CTNND2: variants seen among roughly 807,000 people sequenced by gnomAD.
CTNND2 encodes the protein catenin delta 2, also known as catenin delta-2.
A neutral mutation model predicts 144.4 loss-of-function variants in CTNND2; 22 were observed. The observed-to-expected ratio is 0.15, with a 90% confidence interval of 0.11 to 0.22. CTNND2 has a LOEUF of 0.22. Ranked by LOEUF, CTNND2 falls within the 10% of genes least tolerant of loss-of-function variation. The pLI is 1.00. For synonymous variants in CTNND2, 751 were observed against 695.6 expected, an observed-to-expected ratio of 1.08 and a Z score of -1.25; for missense variants, 1,353 against 1,618.8, an observed-to-expected ratio of 0.84 and a Z score of 2.82.
intron 16 of CTNND2, among the ~76,000 whole-genome samples, chr5:11,078,843 C>G (rs1364116446): frequency 6.6e-6 from 1 of 152,114 alleles, no homozygotes; most frequent in African/African-American, 2.4e-5. Flanking sequence ...TTTAGATATA[C>G]CAGATCTACA....
At chr5:11,437,271 A>G (rs566676318) in intron 3 of CTNND2, among the ~76,000 whole-genome samples, 2 of 152,354 alleles carry the variant, frequency 1.3e-5, no homozygotes, top group Non-Finnish European at 2.9e-5. Context: ...TAAGATATTC[A>G]TAACTTTCCC....
intron 4 of CTNND2, 138 bp from the exon 5 acceptor site, chr5:11,411,790 AT>A: frequency 1.4e-6 from 1 of 717,770 alleles, no homozygotes. Context: ...TTCCATTTTA[AT>A]TTTTGGTCAA....
At chr5:11,689,895 A>G (rs1784816700) in intron 2 of CTNND2, among the ~76,000 whole-genome samples, 1 of 152,220 alleles carries the variant, frequency 6.6e-6, no homozygotes, top group Admixed American at 6.5e-5. Flanking sequence ...TTACAGCAGC[A>G]TCACCACCCA....
chr5:11,551,755 C>T (rs1425705481), intron 3 of CTNND2, among the ~76,000 whole-genome samples: 3 of 152,172 alleles, frequency 2.0e-5, no homozygotes, highest in African/African-American at 7.2e-5. Flanking sequence ...CCCGCCTCCA[C>T]ATCCAGCTAA....
At chr5:11,553,375 C>G (rs1313409878) in intron 3 of CTNND2, among the ~76,000 whole-genome samples, 1 of 152,140 alleles carries the variant, frequency 6.6e-6, no homozygotes, top group African/African-American at 2.4e-5. Flanking sequence ...ATGAGAGGAA[C>G]AATTTTATAA....
chr5:11,114,939 C>T (rs1753397570), intron 13 of CTNND2, among the ~76,000 whole-genome samples: 1 of 151,508 alleles, frequency 6.6e-6, no homozygotes. Flanking sequence ...GAAGCACCTG[C>T]TGAGTAACAT....
intron 1 of CTNND2, among the ~76,000 whole-genome samples, chr5:11,836,613 T>C (rs1794195431): frequency 1.3e-5 from 2 of 151,406 alleles, no homozygotes; most frequent in Non-Finnish European, 2.9e-5. Flanking sequence ...CATAAAGAAA[T>C]TCTCTACTTT....
chr5:11,279,557 T>C (rs1746906545), intron 9 of CTNND2, among the ~76,000 whole-genome samples: 4 of 152,238 alleles, frequency 2.6e-5, no homozygotes, highest in South Asian at 4.2e-4. Flanking sequence ...ACTTCAAAGC[T>C]AAGGAAATTC....
In CTNND2 at chr5:11,364,684, C is replaced by T. The variant is rs761034801; in HGVS notation, c.1372+12G>A. 1.3e-6 allele frequency: 2 copies of T among 1,598,962 alleles called. No homozygotes were observed. The highest frequency in any genetic ancestry group is 1.7e-6 in the Non-Finnish European group (2 of 1,175,224). ...TGTGGACAGGCCACCCAGTGGGGTC[C>T]TGATTACACACCTGTGCTCGTGCGG... On this transcript the variant is annotated intron_variant, in intron 8 of 21. Coordinates refer to ENST00000304623, the MANE Select transcript of CTNND2 (RefSeq NM_001332.4).
intron 2 of CTNND2, among the ~76,000 whole-genome samples, chr5:11,608,676 C>T (rs1205203052): frequency 2.0e-5 from 3 of 152,190 alleles, no homozygotes; most frequent in African/African-American, 7.2e-5. Context: ...ATTTCTGCAA[C>T]AGCACCTTAC....
chr5:11,130,377 G>C (rs1357413464), intron 12 of CTNND2, among the ~76,000 whole-genome samples: 1 of 152,130 alleles, frequency 6.6e-6, no homozygotes, highest in African/African-American at 2.4e-5. Flanking sequence ...TCTGGAGTTA[G>C]CCATGCATCA....
chr5:11,811,261 G>A (rs1011417896), intron 1 of CTNND2, among the ~76,000 whole-genome samples: 12 of 152,188 alleles, frequency 7.9e-5, no homozygotes, highest in African/African-American at 2.9e-4. Flanking sequence ...ATGGAGAACT[G>A]GGCAGACAGA....
At chr5:11,113,462 C>T (rs1038181313) in intron 13 of CTNND2, among the ~76,000 whole-genome samples, 3 of 152,134 alleles carry the variant, frequency 2.0e-5, no homozygotes, top group African/African-American at 7.2e-5. Flanking sequence ...CAGTATGGCC[C>T]GCAACACCGG....
intron 18 of CTNND2, among the ~76,000 whole-genome samples, chr5:10,998,853 A>G (rs1739625186): frequency 6.6e-6 from 1 of 152,384 alleles, no homozygotes; most frequent in South Asian, 2.1e-4. Context: ...TGCGTAGGTT[A>G]TATGCAAATA....
chr5:11,581,107 T>C (rs963437857), intron 2 of CTNND2, among the ~76,000 whole-genome samples: 10 of 152,196 alleles, frequency 6.6e-5, no homozygotes, highest in African/African-American at 1.9e-4. Context: ...CTTCCCATTA[T>C]GAAATAGCTG....
At chr5:11,150,946 G>C (rs532559088) in intron 12 of CTNND2, among the ~76,000 whole-genome samples, 1 of 152,156 alleles carries the variant, frequency 6.6e-6, no homozygotes, top group East Asian at 1.9e-4. Context: ...CCTTCTGAGT[G>C]CCTTTCATGC....
At chr5:11,048,931 G>A (rs1042014675) in intron 16 of CTNND2, among the ~76,000 whole-genome samples, 4 of 152,192 alleles carry the variant, frequency 2.6e-5, no homozygotes, top group African/African-American at 9.7e-5. Flanking sequence ...CCCATAGCCT[G>A]CAGGACAGAC....
chr5:11,653,058 C>G (rs1782723764), intron 2 of CTNND2, among the ~76,000 whole-genome samples: 1 of 147,236 alleles, frequency 6.8e-6, no homozygotes, highest in Non-Finnish European at 1.5e-5. Flanking sequence ...TTTTTTAAGG[C>G]TGAACAAAAT....
intron 12 of CTNND2, among the ~76,000 whole-genome samples, chr5:11,132,307 C>A (rs1391239462): frequency 1.3e-5 from 2 of 152,196 alleles, no homozygotes; most frequent in Non-Finnish European, 2.9e-5. Context: ...GCCCTCTCTG[C>A]TTTTTATGGT....
Sources: allele counts gnomAD v4.1 joint callset (sites outside exome capture counted in the v4.1 genomes callset), GRCh38; gene constraint gnomAD v4.1.1; transcripts MANE v1.5; gene names NCBI Gene and HGNC (gene_info 2026-07-23, HGNC 2026-07-21).